The following COL11A1 variants were observed in gnomAD, a reference collection of about 807,000 sequenced individuals.
The protein encoded by COL11A1 is collagen alpha-1(XI) chain.
In COL11A1, 74 loss-of-function variants were observed where a neutral mutation model predicts 265.2. The observed-to-expected ratio is 0.28, with a 90% confidence interval of 0.23 to 0.34. COL11A1 has a LOEUF of 0.34. Ranked by LOEUF, COL11A1 falls within the 10% of genes least tolerant of loss-of-function variation. The pLI is 1.00. For missense variants in COL11A1, 2,165 were observed against 2,263.6 expected, an observed-to-expected ratio of 0.96 and a Z score of 0.88; for synonymous variants, 816 against 727.6, an observed-to-expected ratio of 1.12 and a Z score of -1.96.
At position 102,914,363 on chromosome 1, in the gene COL11A1, G is replaced by A. The variant is rs377044024; in HGVS notation, c.3967C>T (p.Pro1323Ser). 1.2e-6 allele frequency: 2 copies of A among 1,607,752 alleles called. No homozygotes were observed. Among genetic ancestry groups the A allele is most frequent in the South Asian group, 1.1e-5 (1 of 89,834 alleles). ...FPGDPGPPGE[P>S]GPAGQDGVGG... ...TCCCTGATACTTACTGCAGGGCCAG[G>A]TTCCCCAGGAGGACCAGGATCTCCA... The change falls in exon 52 of 67, where the codon CCT becomes TCT. Residue 1323 changes from proline to serine, a missense_variant. Transcript: ENST00000370096.
At chr1:102,996,129 AG>A in intron 26 of COL11A1, 87 bp from the exon 27 acceptor site, 1 of 1,361,964 alleles carries the variant, frequency 7.3e-7, no homozygotes, top group Non-Finnish European at 1.0e-6. Context: ...CTAATCTACA[AG>A]GATATGGTTT....
chr1:102,913,509 G>C, intron 53 of COL11A1, 128 bp downstream of exon 53: 1 of 846,134 alleles, frequency 1.2e-6, no homozygotes, highest in Non-Finnish European at 1.9e-6. Flanking sequence ...AAATTTTTTT[G>C]ATAATTCTTT....
In COL11A1 at chr1:103,004,798, A is replaced by T. The variant is rs536107267; in HGVS notation, c.1846-137T>A. ...ATGCTTTATTTACCCTCCTCAAAAAATTTTGCAGATAAATCATAATTTAAC... is the reference window on the plus strand; with the variant it reads ...ATGCTTTATTTACCCTCCTCAAAAATTTTTGCAGATAAATCATAATTTAAC... On this transcript the variant is annotated intron_variant, in intron 18 of 66. Transcript: ENST00000370096. 285 of 658,662 alleles carry T rather than the reference A, an allele frequency of 4.3e-4. No homozygotes were observed. In the African/African-American group the frequency reaches 4.4e-3, roughly 10 times the overall value. The allele number at this position is 658,662 out of a possible 1,614,324, so 40.8% of individuals were successfully genotyped here.
At chr1:103,101,468 C>T (rs536385635) in intron 1 of COL11A1, among the ~76,000 whole-genome samples, 16 of 152,000 alleles carry the variant, frequency 1.1e-4, no homozygotes, top group African/African-American at 3.6e-4. Flanking sequence ...CACTAGAGTT[C>T]TTATTAGCAA....
intron 4 of COL11A1, among the ~76,000 whole-genome samples, chr1:103,051,215 G>A (rs1271044516): frequency 6.6e-6 from 1 of 152,228 alleles, no homozygotes; most frequent in Non-Finnish European, 1.5e-5. Context: ...GCCTACAGAG[G>A]CAGGCAGGCC....
intron 4 of COL11A1, among the ~76,000 whole-genome samples, chr1:103,037,181 T>C (rs1459526955): frequency 6.6e-6 from 1 of 150,860 alleles, no homozygotes; most frequent in East Asian, 1.9e-4. Context: ...GGCATAGCTG[T>C]TTCAATTTTC....
At chr1:103,054,505 G>A (rs1670074270) in intron 4 of COL11A1, among the ~76,000 whole-genome samples, 1 of 151,984 alleles carries the variant, frequency 6.6e-6, no homozygotes, top group Admixed American at 6.6e-5. Flanking sequence ...GCCAAATGTG[G>A]CTCCTATGTT....
intron 4 of COL11A1, among the ~76,000 whole-genome samples, chr1:103,040,345 A>G (rs972032724): frequency 1.3e-5 from 2 of 151,388 alleles, no homozygotes; most frequent in Admixed American, 6.6e-5. Context: ...ATTAATCTCA[A>G]AATATATATT....
intron 41 of COL11A1, 100 bp from the exon 42 acceptor site, chr1:102,947,056 T>G (rs1225146877): frequency 1.0e-6 from 1 of 988,348 alleles, no homozygotes. Flanking sequence ...GTAAATTATG[T>G]TAAAGAAACA....
chr1:103,055,408 G>C (rs1670169167), intron 4 of COL11A1, among the ~76,000 whole-genome samples: 1 of 152,154 alleles, frequency 6.6e-6, no homozygotes, highest in Admixed American at 6.5e-5. Flanking sequence ...GAAATAATTA[G>C]TGAACACACC....
In COL11A1 at chr1:103,074,612, T is replaced by G; in HGVS notation, c.651+6A>C. On this transcript the variant is annotated splice_donor_region_variant and intron_variant, in intron 4 of 66. Transcript: ENST00000370096. ...ATATTCAGCTTAGAGTTGGATTTAT[T>G]TTTACCTCAAAAACTTCTTCATCCA... is the stretch of plus-strand genomic sequence containing the variant. 6.2e-7 allele frequency: 1 copy of G among 1,612,750 alleles called. No homozygotes were observed. The highest frequency in any genetic ancestry group is 8.5e-7 in the Non-Finnish European group (1 of 1,179,290).
At chr1:102,889,630 A>G in intron 58 of COL11A1, 68 bp from the exon 59 acceptor site, 1 of 1,090,530 alleles carries the variant, frequency 9.2e-7, no homozygotes, top group Non-Finnish European at 1.4e-6. Context: ...TAGTTATAAA[A>G]TATTTGCACA....
At chr1:102,970,860 A>G (rs1393726015) in intron 36 of COL11A1, among the ~76,000 whole-genome samples, 2 of 152,114 alleles carry the variant, frequency 1.3e-5, no homozygotes, top group African/African-American at 2.4e-5. Context: ...CTAAAAAACA[A>G]AAAAGTAGCC....
intron 41 of COL11A1, among the ~76,000 whole-genome samples, chr1:102,953,488 A>G (rs1290491429): frequency 6.6e-6 from 1 of 152,176 alleles, no homozygotes; most frequent in African/African-American, 2.4e-5. Context: ...AGTTATTTCA[A>G]CAATGCCTGT....
At chr1:103,049,124 G>T (rs1669567847) in intron 4 of COL11A1, among the ~76,000 whole-genome samples, 1 of 152,144 alleles carries the variant, frequency 6.6e-6, no homozygotes, top group Admixed American at 6.5e-5. Context: ...TCCACTTGGT[G>T]CAGAGCTGAG....
chr1:103,009,171 T>C (rs990788219), intron 14 of COL11A1, among the ~76,000 whole-genome samples: 4 of 152,156 alleles, frequency 2.6e-5, no homozygotes, highest in African/African-American at 9.7e-5. Flanking sequence ...CCCAGCACTT[T>C]GGGAGGCCAA....
chr1:102,943,351 C>T (rs557368257), intron 42 of COL11A1, among the ~76,000 whole-genome samples: 4 of 151,712 alleles, frequency 2.6e-5, no homozygotes, highest in South Asian at 4.2e-4. Flanking sequence ...CTTTGTCTTT[C>T]GGATTTCAGT....
At chr1:102,917,541 T>C (rs1252270465) in intron 49 of COL11A1, among the ~76,000 whole-genome samples, 1 of 151,808 alleles carries the variant, frequency 6.6e-6, no homozygotes, top group Non-Finnish European at 1.5e-5. Flanking sequence ...ATAACCAAAA[T>C]GTTTTCTTAT....
intron 30 of COL11A1, 133 bp from the exon 31 acceptor site, chr1:102,984,324 T>C: frequency 1.7e-6 from 1 of 603,462 alleles, no homozygotes; most frequent in Non-Finnish European, 2.9e-6. Context: ...TTTTTGTCAT[T>C]ATTTACCTTC....
Sources: allele counts gnomAD v4.1 joint callset (sites outside exome capture counted in the v4.1 genomes callset), GRCh38; gene constraint gnomAD v4.1.1; transcripts MANE v1.5; gene names NCBI Gene and HGNC (gene_info 2026-07-23, HGNC 2026-07-21).